Variants in TMC1 observed in about 807,000 individuals in gnomAD.
The protein encoded by TMC1 is transmembrane channel-like protein 1.
TMC1 carries 84 observed loss-of-function variants against 105.8 expected under a neutral mutation model. The observed-to-expected ratio is 0.79, with a 90% CI of 0.67 to 0.95. The LOEUF is 0.95. Ranked by LOEUF, TMC1 falls within the 40% of genes least tolerant of loss-of-function variation. The pLI, the probability that TMC1 is intolerant of heterozygous loss-of-function variation, is 0.00. For synonymous variants in TMC1, 315 were observed against 311.5 expected, an observed-to-expected ratio of 1.01 and a Z score of -0.12; for missense variants, 817 against 914.1, an observed-to-expected ratio of 0.89 and a Z score of 1.37.
intron 2 of TMC1, among the ~76,000 whole-genome samples, chr9:72,585,265 C>A (rs1055058700): frequency 5.9e-5 from 9 of 151,450 alleles, no homozygotes; most frequent in African/African-American, 2.2e-4. Flanking sequence ...ATTCTCCGGC[C>A]GCAGCCTCCT....
intron 2 of TMC1, among the ~76,000 whole-genome samples, chr9:72,595,627 T>A (rs1378480228): frequency 1.3e-5 from 2 of 151,656 alleles, no homozygotes; most frequent in South Asian, 2.1e-4. Flanking sequence ...AGGTTTTACA[T>A]CAATGGGGTA....
intron 1 of TMC1, among the ~76,000 whole-genome samples, chr9:72,525,161 A>T (rs970948296): frequency 6.6e-6 from 1 of 152,162 alleles, no homozygotes; most frequent in African/African-American, 2.4e-5. Context: ...TATCTGTTTT[A>T]TTTTTTCCAG....
chr9:72,550,728 G>A (rs1011552276), intron 1 of TMC1, among the ~76,000 whole-genome samples: 1 of 151,506 alleles, frequency 6.6e-6, no homozygotes, highest in African/African-American at 2.4e-5. Context: ...TAAAAAGGCT[G>A]GTGGGTGTGG....
intron 12 of TMC1, among the ~76,000 whole-genome samples, chr9:72,763,925 G>A (rs932662226): frequency 2.0e-5 from 3 of 152,060 alleles, no homozygotes; most frequent in African/African-American, 4.8e-5. Flanking sequence ...AGAATCTTTC[G>A]ATATGACTAG....
intron 8 of TMC1, among the ~76,000 whole-genome samples, chr9:72,720,590 A>C (rs1238721035): frequency 6.6e-6 from 1 of 152,210 alleles, no homozygotes; most frequent in Non-Finnish European, 1.5e-5. Flanking sequence ...CATTGGAATG[A>C]ATGACACAGG....
chr9:72,688,756 A>T lies in TMC1; in HGVS notation c.64A>T (p.Ser22Cys), dbSNP rs144387828. 1 of 1,611,512 alleles carries T rather than the reference A, an allele frequency of 6.2e-7. No individual in the cohort carries two copies. The highest frequency in any genetic ancestry group is 1.1e-5 in the South Asian group (1 of 90,790). The stretch of plus-strand genomic sequence containing the variant: ...AGAAGACGAGACTGAGGAAAGCTCA[A>T]GTAAGTGGTGATGGGCCACTTGGGA... ...EKEDETEESS[S>C]EEEEEVEDKL... The change falls in exon 6 of 24, where the codon AGT (serine) becomes TGT (cysteine). Residue 22 changes from serine (S) to cysteine (C), a missense_variant and splice_region_variant. Coordinates refer to ENST00000297784, the MANE Select transcript of TMC1 (RefSeq NM_138691.3).
At chr9:72,822,040 C>A (rs1259110132) in intron 20 of TMC1, among the ~76,000 whole-genome samples, 1 of 152,196 alleles carries the variant, frequency 6.6e-6, no homozygotes, top group Non-Finnish European at 1.5e-5. Context: ...TAGAGATACA[C>A]ATTTCTACAG....
At chr9:72,615,772 G>A (rs952113466) in intron 2 of TMC1, among the ~76,000 whole-genome samples, 5 of 123,538 alleles carry the variant, frequency 4.0e-5, no homozygotes, top group East Asian at 2.0e-4. Context: ...TTTTTTCTTC[G>A]AGATAGGGTC....
intron 10 of TMC1, among the ~76,000 whole-genome samples, chr9:72,746,122 T>A (rs1234965557): frequency 1.9e-4 from 29 of 152,320 alleles, no homozygotes; most frequent in Non-Finnish European, 8.8e-5. Context: ...ACTTATAGAA[T>A]ACATATTTAA....
At chr9:72,770,142 A>G (rs1827901652) in intron 12 of TMC1, among the ~76,000 whole-genome samples, 1 of 152,080 alleles carries the variant, frequency 6.6e-6, no homozygotes, top group Non-Finnish European at 1.5e-5. Flanking sequence ...TATCTTAGAC[A>G]TGAGATTAGC....
intron 17 of TMC1, among the ~76,000 whole-genome samples, chr9:72,797,445 A>G (rs1238938235): frequency 6.6e-6 from 1 of 152,208 alleles, no homozygotes; most frequent in Non-Finnish European, 1.5e-5. Context: ...AGCTGGAGGA[A>G]TCACACTACC....
intron 5 of TMC1, among the ~76,000 whole-genome samples, chr9:72,651,950 C>A (rs532751183): frequency 6.6e-6 from 1 of 152,206 alleles, no homozygotes; most frequent in African/African-American, 2.4e-5. Flanking sequence ...TTGTAACATT[C>A]TTATGCCTTT....
intron 7 of TMC1, among the ~76,000 whole-genome samples, chr9:72,696,813 T>G (rs1168249592): frequency 1.3e-5 from 2 of 152,168 alleles, no homozygotes; most frequent in African/African-American, 4.8e-5. Flanking sequence ...TTATGCCTTC[T>G]TCTTCCTAAC....
At chr9:72,728,938 T>C (rs988600762) in intron 8 of TMC1, among the ~76,000 whole-genome samples, 7 of 152,076 alleles carry the variant, frequency 4.6e-5, no homozygotes, top group Non-Finnish European at 1.0e-4. Flanking sequence ...CCTTGTTTCA[T>C]CTAAAATTAC....
At chr9:72,525,758 C>T (rs947106298) in intron 1 of TMC1, among the ~76,000 whole-genome samples, 16 of 152,202 alleles carry the variant, frequency 1.1e-4, no homozygotes, top group Non-Finnish European at 1.8e-4. Context: ...GAGGCCCAGG[C>T]GGGCAGATCA....
chr9:72,797,853 C>T (rs1828399195), intron 17 of TMC1, among the ~76,000 whole-genome samples: 1 of 152,052 alleles, frequency 6.6e-6, no homozygotes, highest in African/African-American at 2.4e-5. Flanking sequence ...GCAGTGAAAG[C>T]AAAAATTAAC....
chr9:72,617,497 A>G (rs1825154285), intron 3 of TMC1, among the ~76,000 whole-genome samples: 1 of 152,126 alleles, frequency 6.6e-6, no homozygotes, highest in African/African-American at 2.4e-5. Flanking sequence ...ATTTTCTCTG[A>G]CCATCACATG....
chr9:72,805,555 T>G (rs1343708496), intron 18 of TMC1, 45 bp downstream of exon 18: 3 of 1,498,608 alleles, frequency 2.0e-6, no homozygotes, highest in Non-Finnish European at 2.7e-6. Flanking sequence ...TTAAATTTAT[T>G]TATTTTTTAT....
rs540512982 is a variant in TMC1 at position 72,666,762 on chromosome 9, G to A, written c.16+18098G>A. Among the ~76,000 whole-genome samples, 24 of 152,098 alleles carry A rather than the reference G, an allele frequency of 1.6e-4. No homozygotes were observed. In the South Asian group the frequency reaches 4.4e-3, roughly 28 times the overall value. ...TTAACAAATAAGTAGATAACATAAT[G>A]TCACGGCCAGGCGTGGTGGCCTCAT... On this transcript the variant is annotated intron_variant, in intron 5 of 23. Transcript: ENST00000297784.
Sources: gnomAD v4.1 joint callset for allele counts (sites outside exome capture counted in the v4.1 genomes callset) on GRCh38, gnomAD v4.1.1 for gene constraint, MANE v1.5 for transcripts, NCBI Gene and HGNC (gene_info 2026-07-23, HGNC 2026-07-21) for gene names.